The following EBF1 variants were observed in gnomAD, a reference collection of about 807,000 sequenced individuals.
EBF1 encodes EBF transcription factor 1.
In EBF1, 10 loss-of-function variants were observed where a neutral mutation model predicts 68.4. The ratio of observed to expected loss-of-function variants is 0.15; its 90% CI spans 0.09 to 0.25. EBF1 has a LOEUF of 0.25. Among genes scored for constraint, EBF1 ranks in the 10% least tolerant of loss-of-function variants. The probability of loss-of-function intolerance (pLI) is 1.00; values close to 1 mark genes in which losing one functional copy is unlikely to be tolerated. For missense variants in EBF1, 509 were observed against 794.4 expected, an observed-to-expected ratio of 0.64 and a Z score of 4.32; for synonymous variants, 298 against 299.8, an observed-to-expected ratio of 0.99 and a Z score of 0.06.
At chr5:159,094,742 TC>T (rs111323217) in intron 4 of EBF1, among the ~76,000 whole-genome samples, 9 of 152,288 alleles carry the variant, frequency 5.9e-5, no homozygotes, top group African/African-American at 1.9e-4. Context: ...CTAATTTCTT[TC>T]CCCCACCCAA....
chr5:159,008,550 C>T (rs1170469811), intron 6 of EBF1, among the ~76,000 whole-genome samples: 2 of 141,104 alleles, frequency 1.4e-5, no homozygotes, highest in Non-Finnish European at 3.0e-5. Context: ...AAGACAGAGT[C>T]TTGCTCTGTT....
At chr5:158,915,213 G>A (rs143619488) in intron 6 of EBF1, among the ~76,000 whole-genome samples, 179 of 152,244 alleles carry the variant, frequency 1.2e-3, no homozygotes, top group African/African-American at 4.0e-3. Flanking sequence ...GGACAGCCTC[G>A]GAGGGCGATG....
chr5:158,876,241 C>T (rs1797791625), intron 6 of EBF1, among the ~76,000 whole-genome samples: 1 of 152,158 alleles, frequency 6.6e-6, no homozygotes, highest in Non-Finnish European at 1.5e-5. Context: ...CTGTACTTTG[C>T]AGGCACTGTC....
At chr5:158,996,030 A>T (rs1761348857) in intron 6 of EBF1, among the ~76,000 whole-genome samples, 1 of 152,208 alleles carries the variant, frequency 6.6e-6, no homozygotes. Context: ...TCTGGCCTCC[A>T]GCCTAGGAGA....
chr5:158,869,578 AACACAC>A (rs3035120), intron 6 of EBF1, among the ~76,000 whole-genome samples: 25,641 of 145,036 alleles, frequency 0.18, 2,267 homozygotes, highest in Non-Finnish European at 0.19. Context: ...GATCCTAATA[AACACAC>A]ACACACACAC....
At chr5:158,978,233 C>T (rs545972014) in intron 6 of EBF1, among the ~76,000 whole-genome samples, 145 of 152,360 alleles carry the variant, frequency 9.5e-4, no homozygotes, top group African/African-American at 3.1e-3. Flanking sequence ...CCCTGACCCC[C>T]GACATGCGGC....
chr5:158,886,081 C>G (rs116210744), intron 6 of EBF1, among the ~76,000 whole-genome samples: 1 of 152,182 alleles, frequency 6.6e-6, no homozygotes, highest in Non-Finnish European at 1.5e-5. Flanking sequence ...CTTTGCCCAA[C>G]TCTTCTGTCC....
intron 6 of EBF1, among the ~76,000 whole-genome samples, chr5:159,070,411 C>G (rs893872347): frequency 6.6e-6 from 1 of 152,148 alleles, no homozygotes; most frequent in African/African-American, 2.4e-5. Context: ...TTTTCTAAAT[C>G]ACAGTTTGCA....
intron 6 of EBF1, among the ~76,000 whole-genome samples, chr5:159,004,209 G>T (rs1429927936): frequency 6.6e-6 from 1 of 150,514 alleles, no homozygotes; most frequent in East Asian, 2.0e-4. Context: ...CCCAAAGGCA[G>T]AGGTTGCAGT....
At chr5:158,782,696 TTAAG>T (rs1328745045) in intron 9 of EBF1, among the ~76,000 whole-genome samples, 3 of 151,976 alleles carry the variant, frequency 2.0e-5, no homozygotes, top group East Asian at 3.9e-4. Flanking sequence ...AAAAAACAAA[TTAAG>T]TAGTTAATGA....
intron 6 of EBF1, among the ~76,000 whole-genome samples, chr5:158,854,933 A>G (rs1174833439): frequency 6.6e-6 from 1 of 152,082 alleles, no homozygotes; most frequent in Non-Finnish European, 1.5e-5. Flanking sequence ...ACCACCCCTT[A>G]ATGTTAGGGC....
chr5:158,767,826 T>C (rs1030685692), intron 10 of EBF1, among the ~76,000 whole-genome samples: 1 of 152,166 alleles, frequency 6.6e-6, no homozygotes, highest in African/African-American at 2.4e-5. Context: ...CAAGAAATGC[T>C]GCTGGCCTAT....
chr5:158,867,834 A>G (rs920760338), intron 6 of EBF1, among the ~76,000 whole-genome samples: 3 of 152,206 alleles, frequency 2.0e-5, no homozygotes, highest in Admixed American at 1.3e-4. Context: ...AGATACTTGA[A>G]AAGTTTGAAG....
chr5:158,705,294 G>C (rs1170212572), intron 15 of EBF1, among the ~76,000 whole-genome samples: 2 of 152,162 alleles, frequency 1.3e-5, no homozygotes, highest in Non-Finnish European at 2.9e-5. Flanking sequence ...TCTTTTTATA[G>C]TTGTTTTATC....
intron 10 of EBF1, among the ~76,000 whole-genome samples, chr5:158,753,471 A>G (rs1211667023): frequency 6.6e-6 from 1 of 152,146 alleles, no homozygotes; most frequent in Admixed American, 6.6e-5. Context: ...GAGTTAGACC[A>G]ACATGCTTTC....
At chr5:158,872,883 T>C (rs1797123535) in intron 6 of EBF1, among the ~76,000 whole-genome samples, 1 of 152,078 alleles carries the variant, frequency 6.6e-6, no homozygotes, top group South Asian at 2.1e-4. Flanking sequence ...TCCCTGGGTG[T>C]AGACCAGAAA....
intron 6 of EBF1, among the ~76,000 whole-genome samples, chr5:159,032,512 T>G (rs1769129000): frequency 1.3e-5 from 2 of 152,214 alleles, no homozygotes; most frequent in Admixed American, 1.3e-4. Flanking sequence ...AACCGAGTGA[T>G]TATTTCTAGC....
chr5:158,874,783 GA>G (rs953490799), intron 6 of EBF1, among the ~76,000 whole-genome samples: 123 of 151,268 alleles, frequency 8.1e-4, no homozygotes, highest in African/African-American at 2.7e-3. Context: ...GGGAGAGGAG[GA>G]AAAAAAAGGC....
At chr5:158,877,384 T>A (rs187055475) in intron 6 of EBF1, among the ~76,000 whole-genome samples, 88 of 152,324 alleles carry the variant, frequency 5.8e-4, no homozygotes, top group Admixed American at 5.8e-3. Context: ...GAGTGCTAAC[T>A]GCTAACACAT....
Sources: gnomAD v4.1 joint callset for allele counts (sites outside exome capture counted in the v4.1 genomes callset) on GRCh38, gnomAD v4.1.1 for gene constraint, MANE v1.5 for transcripts, NCBI Gene and HGNC (gene_info 2026-07-23, HGNC 2026-07-21) for gene names.